Variants in MYH15 observed in about 807,000 individuals in gnomAD.
MYH15 encodes the protein myosin-15.
In MYH15, 227 loss-of-function variants were observed where a neutral mutation model predicts 240.5. The observed-to-expected ratio is 0.94, with a 90% CI of 0.85 to 1.05. The LOEUF is 1.05. Ranked by LOEUF, MYH15 falls within the 50% of genes least tolerant of loss-of-function variation. The probability of loss-of-function intolerance (pLI) is 0.00; values close to 1 mark genes in which losing one functional copy is unlikely to be tolerated. For synonymous variants in MYH15, 785 were observed against 796.7 expected, an observed-to-expected ratio of 0.99 and a Z score of 0.25; for missense variants, 2,217 against 2,247.5, an observed-to-expected ratio of 0.99 and a Z score of 0.27.
chr3:108,545,943 G>C, the MYH15 span, among the ~76,000 whole-genome samples: 2 of 151,942 alleles, frequency 1.3e-5, no homozygotes, highest in Admixed American at 1.3e-4. Context: ...TAATATTACT[G>C]TACATAAATC....
rs2107548194 is a variant in MYH15, at chr3:108,410,868, C to T, written c.4210G>A (p.Ala1404Thr). The T allele has an allele frequency of 1.2e-6, 2 of 1,612,184 alleles. No homozygotes were observed. The highest frequency in any genetic ancestry group is 1.1e-5 in the South Asian group (1 of 91,038). Reference protein sequence around the residue: ...EAMGVANARNASLERARHQLQ... With the variant: ...EAMGVANARNTSLERARHQLQ... ...TGGTGCCTGGCTCTCTCCAAGGAGG[C>T]ATTTCTGGCATTGGCCACCCCCATG... Residue 1404 changes from alanine (A) to threonine (T), a missense_variant, in exon 31 of 41, where the codon GCC becomes ACC. Coordinates refer to ENST00000693548, the MANE Select transcript of MYH15 (RefSeq NM_014981.3).
At chr3:108,465,246 C>T (rs138862212) in intron 14 of MYH15, among the ~76,000 whole-genome samples, 1,557 of 152,298 alleles carry the variant, frequency 0.01, 12 homozygotes, top group Non-Finnish European at 0.017. Flanking sequence ...ATGAGAACAA[C>T]AAGCTGAGAA....
Position 108,498,105 on chromosome 3 carries a change from T to G in MYH15, c.565A>C (p.Ile189Leu). 6.2e-7 allele frequency: 1 copy of G among 1,614,118 alleles called. No homozygotes were observed. ...GAGKTVNSKHIIQYFATIAAM... is the reference protein window; with the variant it reads ...GAGKTVNSKHLIQYFATIAAM... ...GCTATGGTGGCAAAATACTGGATAA[T>G]ATGTTTGCTGTTCACAGTCTTTCCA... Residue 189 changes from isoleucine to leucine, a missense_variant, in exon 6 of 41, where the codon ATT (isoleucine) becomes CTT (leucine). By Grantham distance (5) the Ile-to-Leu change is conservative (BLOSUM62 2). Coordinates refer to ENST00000693548, the MANE Select transcript of MYH15 (RefSeq NM_014981.3).
At chr3:108,466,301 T>C (rs533290462) in intron 14 of MYH15, among the ~76,000 whole-genome samples, 32 of 152,352 alleles carry the variant, frequency 2.1e-4, no homozygotes, top group African/African-American at 7.7e-4. Context: ...TGCATTTATA[T>C]AGCGCATAAT....
rs1166058948 is a variant in MYH15, at chr3:108,476,511, A to G, written c.1119T>C (p.Ala373=). ...TGCCCATGAGGAAAGCAGCTTTGTCAGCATCTGGTCATCAGAAATAGAAGA... is the reference window on the plus strand; with the variant it reads ...TGCCCATGAGGAAAGCAGCTTTGTCGGCATCTGGTCATCAGAAATAGAAGA... ...EQLEADGTEN[A]DKAAFLMGIN... is the part of the protein sequence containing the mutation. Residue 373 remains alanine, a synonymous_variant, in exon 12 of 41, where the codon GCT becomes GCC. Coordinates refer to ENST00000693548, the MANE Select transcript of MYH15 (RefSeq NM_014981.3). The G allele has an allele frequency of 6.3e-7, 1 of 1,594,874 alleles. No individual in the cohort carries two copies. The highest frequency in any genetic ancestry group is 1.7e-5 in the Admixed American group (1 of 59,906).
intron 38 of MYH15, among the ~76,000 whole-genome samples, chr3:108,388,238 G>A (rs1358607730): frequency 2.0e-5 from 3 of 152,188 alleles, no homozygotes; most frequent in Non-Finnish European, 4.4e-5. Flanking sequence ...ATAGGAGGAT[G>A]CCAGACCCTG....
intron 37 of MYH15, among the ~76,000 whole-genome samples, chr3:108,390,353 G>T (rs1441774564): frequency 1.3e-5 from 2 of 152,048 alleles, no homozygotes; most frequent in African/African-American, 4.8e-5. Context: ...GCTGGTCGTT[G>T]CTACTGAGTT....
At chr3:108,437,410 A>C (rs1260119694) in intron 25 of MYH15, 144 bp downstream of exon 25, 50 of 1,088,740 alleles carry the variant, frequency 4.6e-5, no homozygotes, top group Non-Finnish European at 6.4e-5. Flanking sequence ...GTAAAGAAAA[A>C]AAAAATTGTT....
intron 35 of MYH15, among the ~76,000 whole-genome samples, chr3:108,398,301 G>C (rs1386921656): frequency 2.0e-5 from 3 of 152,156 alleles, no homozygotes; most frequent in Non-Finnish European, 4.4e-5. Context: ...TTGCCGGTAA[G>C]CCACCAGAAA....
chr3:108,394,532 C>T (rs762853476), intron 35 of MYH15, among the ~76,000 whole-genome samples: 6 of 152,204 alleles, frequency 3.9e-5, no homozygotes, highest in Non-Finnish European at 7.4e-5. Context: ...CAGTTGCAGA[C>T]ATCTGAGGAG....
chr3:108,499,651 G>C (rs1313127853), intron 4 of MYH15, among the ~76,000 whole-genome samples, 169 bp from the exon 5 acceptor site: 1 of 152,062 alleles, frequency 6.6e-6, no homozygotes, highest in Non-Finnish European at 1.5e-5. Context: ...GGGTAAAATC[G>C]ATTTTCTCTT....
At chr3:108,394,708 T>C (rs1187011126) in intron 35 of MYH15, among the ~76,000 whole-genome samples, 3 of 152,184 alleles carry the variant, frequency 2.0e-5, no homozygotes, top group Non-Finnish European at 2.9e-5. Context: ...GTACCCTCAT[T>C]ACCACGGAGG....
At chr3:108,397,381 A>G (rs1342390084) in intron 35 of MYH15, among the ~76,000 whole-genome samples, 2 of 152,192 alleles carry the variant, frequency 1.3e-5, no homozygotes, top group Admixed American at 6.5e-5. Flanking sequence ...CTGGCTTCTT[A>G]CATGTCCTTC....
At chr3:108,476,082 T>C (rs1385347199) in intron 12 of MYH15, among the ~76,000 whole-genome samples, 1 of 152,200 alleles carries the variant, frequency 6.6e-6, no homozygotes. Context: ...ATGTTAGGAA[T>C]GAACAGCTTT....
intron 16 of MYH15, among the ~76,000 whole-genome samples, chr3:108,462,531 T>C (rs957322463): frequency 1.3e-5 from 2 of 152,106 alleles, no homozygotes; most frequent in Non-Finnish European, 2.9e-5. Flanking sequence ...ACATTCTGTA[T>C]ATATCTTAAA....
chr3:108,501,147 G>A (rs2083434154), intron 3 of MYH15, among the ~76,000 whole-genome samples: 1 of 152,194 alleles, frequency 6.6e-6, no homozygotes, highest in Non-Finnish European at 1.5e-5. Flanking sequence ...GAGCAAGCTG[G>A]TTGCATGCCA....
chr3:108,391,765 A>T lies in MYH15; in HGVS notation c.5425T>A (p.Ser1809Thr), dbSNP rs747807566. 2 of 1,613,322 alleles carry T rather than the reference A, an allele frequency of 1.2e-6. No individual in the cohort carries two copies. Among genetic ancestry groups the T allele is most frequent in the Non-Finnish European group, 1.7e-6 (2 of 1,179,778 alleles). The stretch of plus-strand genomic sequence containing the variant: ...ATGATTACCCAGACTCCTACCCTGG[A>T]TTCTAGTTTCTGGATTTGCTTTCTA... ...GSRKQIQKLE[S>T]RVRELEGELE... The change falls in exon 37 of 41, where the codon TCC becomes ACC. Residue 1809 changes from serine (S) to threonine (T), a missense_variant. Physicochemically the swap from Ser to Thr is moderately conservative, Grantham distance 58 (BLOSUM62 1). Transcript: ENST00000693548.
chr3:108,467,532 T>G (rs186042113), intron 14 of MYH15, among the ~76,000 whole-genome samples: 1 of 152,300 alleles, frequency 6.6e-6, no homozygotes, highest in Non-Finnish European at 1.5e-5. Flanking sequence ...ATGAAAAGTA[T>G]TGAAGCCAAT....
chr3:108,417,019 A>C, intron 28 of MYH15, 89 bp from the exon 29 acceptor site: 1 of 965,700 alleles, frequency 1.0e-6, no homozygotes, highest in Non-Finnish European at 1.6e-6. Flanking sequence ...GGGTAGCCAG[A>C]ATGACTCCTA....
Sources: allele counts gnomAD v4.1 joint callset (sites outside exome capture counted in the v4.1 genomes callset), GRCh38; gene constraint gnomAD v4.1.1; transcripts MANE v1.5; gene names NCBI Gene and HGNC (gene_info 2026-07-23, HGNC 2026-07-21).